CPSF3: variants seen among roughly 807,000 people sequenced by gnomAD.
The protein encoded by CPSF3 is cleavage and polyadenylation specific factor 3.
CPSF3 carries 57 observed loss-of-function variants against 84.1 expected under a neutral mutation model. The observed-to-expected ratio is 0.68, with a 90% confidence interval of 0.55 to 0.85. The LOEUF is 0.85. Among genes scored for constraint, CPSF3 ranks in the 40% least tolerant of loss-of-function variants. The probability of loss-of-function intolerance (pLI) is 0.00; values close to 1 mark genes in which losing one functional copy is unlikely to be tolerated. For missense variants in CPSF3, 522 were observed against 838.8 expected, an observed-to-expected ratio of 0.62 and a Z score of 4.66; for synonymous variants, 275 against 278.1, an observed-to-expected ratio of 0.99 and a Z score of 0.11.
intron 7 of CPSF3, among the ~76,000 whole-genome samples, chr2:9,437,173 G>A (rs983787978): frequency 6.6e-6 from 1 of 152,160 alleles, no homozygotes; most frequent in African/African-American, 2.4e-5. Flanking sequence ...GGAGGCTGAG[G>A]TGGGCAGATC....
At chr2:9,424,145 C>G (rs1032058755) in intron 1 of CPSF3, 3 of 1,081,392 alleles carry the variant, frequency 2.8e-6, no homozygotes, top group Admixed American at 1.0e-4. Flanking sequence ...AAGCACGGAT[C>G]TCTGCGCGTC....
At chr2:9,472,579 G>GC (rs1003609788) in intron 17 of CPSF3, among the ~76,000 whole-genome samples, 11 of 152,242 alleles carry the variant, frequency 7.2e-5, no homozygotes, top group Admixed American at 7.2e-4. Context: ...AGCACTGCAC[G>GC]CCCACAAGTG....
rs1553348327 is a variant in CPSF3 at position 9,465,572 on chromosome 2, C to CGT, written c.1787-2134_1787-2133dup. Among the ~76,000 whole-genome samples the CGT allele has an allele frequency of 6.1e-4, 90 of 147,640 alleles. 1 individual carries two copies. Among genetic ancestry groups the CGT allele is most frequent in the African/African-American group, 2.2e-3 (88 of 40,668 alleles). ...ACACACACACACACACACGCGCGCGCGTTTATATATAAAAAATATATAAAA... is the reference window on the plus strand; with the variant it reads ...ACACACACACACACACACGCGCGCGCGTGTTTATATATAAAAAATATATAAAA... On this transcript the variant is annotated intron_variant, in intron 15 of 17. Transcript: ENST00000238112.
chr2:9,453,454 A>G (rs1681403683), intron 12 of CPSF3, among the ~76,000 whole-genome samples: 1 of 152,210 alleles, frequency 6.6e-6, no homozygotes, highest in African/African-American at 2.4e-5. Flanking sequence ...AAAAACTTGT[A>G]TAATTTCTTT....
chr2:9,441,976 G>T lies in CPSF3; in HGVS notation c.1095G>T (p.Lys365Asn). 1 of 1,614,024 alleles carries T rather than the reference G, an allele frequency of 6.2e-7. No homozygotes were observed. Residue 365 changes from lysine (K) to asparagine (N), a missense_variant and splice_region_variant, in exon 9 of 18, where the codon AAG (lysine) becomes AAT (asparagine). Physicochemically the swap from Lys to Asn is moderately conservative, Grantham distance 94. Around this residue, in one of 2 missense-constraint regions of CPSF3, gnomAD observed 329 missense variants for 607.2 expected, o/e 0.54. Coordinates refer to ENST00000238112, the MANE Select transcript of CPSF3 (RefSeq NM_016207.4). The stretch of plus-strand genomic sequence containing the variant: ...ACTGTGTAGAAGGGACACTTGCCAA[G>T]GTCAGTTACAGTCATAGGCTGTTGT... The part of the protein sequence containing the change: ...AGYCVEGTLA[K>N]HIMSEPEEIT...
At chr2:9,439,334 A>C (rs1481659880) in intron 7 of CPSF3, among the ~76,000 whole-genome samples, 1 of 152,244 alleles carries the variant, frequency 6.6e-6, no homozygotes, top group Non-Finnish European at 1.5e-5. Context: ...TTAGCCAGGC[A>C]TGGTGGCCAG....
Position 9,428,912 on chromosome 2 carries a change from T to C in CPSF3, c.114+84T>C, listed in dbSNP as rs1680484246. ...TCTTTTCTCATAGACTAGTTATCTT[T>C]TTAGCTCCCAGAAAAATGTTATAGT... On this transcript the variant is annotated intron_variant, in intron 2 of 17. Coordinates refer to ENST00000238112, the MANE Select transcript of CPSF3 (RefSeq NM_016207.4). The C allele has an allele frequency of 5.3e-5, 43 of 803,908 alleles. No homozygotes were observed. The South Asian group carries it at 6.7e-4, about 12-fold the overall frequency. The allele number at this position is 803,908 out of a possible 1,614,324, so 49.8% of individuals were successfully genotyped here.
At chr2:9,469,642 C>G (rs1682095365) in intron 16 of CPSF3, among the ~76,000 whole-genome samples, 2 of 152,222 alleles carry the variant, frequency 1.3e-5, no homozygotes, top group Admixed American at 1.3e-4. Flanking sequence ...TCCCGCCTCC[C>G]CTCCCTCTCC....
chr2:9,450,551 G>T (rs538320782), intron 11 of CPSF3, among the ~76,000 whole-genome samples: 56 of 152,220 alleles, frequency 3.7e-4, no homozygotes, highest in African/African-American at 1.3e-3. Context: ...ACTTTGGGAG[G>T]CTGAGGCGGA....
At chr2:9,465,298 G>A (rs1376450653) in intron 15 of CPSF3, among the ~76,000 whole-genome samples, 2 of 152,108 alleles carry the variant, frequency 1.3e-5, no homozygotes, top group Non-Finnish European at 2.9e-5. Context: ...CAGAGTCTTA[G>A]CCAGGCACGG....
At position 9,451,748 on chromosome 2, in the gene CPSF3, C is replaced by G. The variant is rs968869637; in HGVS notation, c.1396-1165C>G. ...TTTTTTTTTTTTTGAGAAAAAGTCT[C>G]GCTCTGTCTCCAGGCTGGAGTGCAG... On this transcript the variant is annotated intron_variant, in intron 11 of 17. Transcript: ENST00000238112. Among the ~76,000 whole-genome samples, 3 of 143,474 alleles carry G rather than the reference C, an allele frequency of 2.1e-5. No individual in the cohort carries two copies. The South Asian group carries it at 6.6e-4, about 31-fold the overall frequency. 94.1% of individuals were successfully genotyped at this position (143,474 alleles called of 152,430 possible). A position where few individuals can be genotyped will look rare whatever the true frequency, so the allele number is the denominator to read the frequency against.
chr2:9,428,517 C>T (rs1052817690), intron 1 of CPSF3, among the ~76,000 whole-genome samples: 10 of 152,002 alleles, frequency 6.6e-5, no homozygotes, highest in South Asian at 2.1e-4. Context: ...GGATCTGTAC[C>T]GCCTTCTCTC....
At chr2:9,456,445 T>C (rs1407013559) in intron 13 of CPSF3, among the ~76,000 whole-genome samples, 1 of 152,206 alleles carries the variant, frequency 6.6e-6, no homozygotes, top group Admixed American at 6.5e-5. Flanking sequence ...AACCTTGCAC[T>C]AGGATAATCT....
rs1680204124 is a variant in CPSF3 at position 9,423,732 on chromosome 2, G to A, written c.-42G>A. The A allele has an allele frequency of 1.9e-6, 3 of 1,606,468 alleles. No homozygotes were observed. The highest frequency in any genetic ancestry group is 2.5e-6 in the Non-Finnish European group (3 of 1,177,084). On this transcript the variant is annotated 5_prime_UTR_variant, in exon 1 of 18. Transcript: ENST00000238112. ...GTGCTTCCAATTTAGGAAGACCCCG[G>A]CGACCTGTTCCTCACCCCCGCTTCG...
intron 17 of CPSF3, among the ~76,000 whole-genome samples, chr2:9,471,862 C>T (rs988909272): frequency 5.9e-5 from 9 of 151,850 alleles, no homozygotes; most frequent in Middle Eastern, 3.4e-3. Flanking sequence ...AAAAATTAGC[C>T]GGGAATGGCG....
chr2:9,457,142 AGTATAT>A (rs1681559966), intron 14 of CPSF3, 115 bp downstream of exon 14: 1 of 476,442 alleles, frequency 2.1e-6, no homozygotes, highest in African/African-American at 2.4e-5. Flanking sequence ...ATTGTTGGAA[AGTATAT>A]GTGTGTGTGT....
rs70948817 is a variant in CPSF3 at position 9,457,147 on chromosome 2, A to ATGTGTGTGTGTG, written c.1698+153_1698+164dup. On this transcript the variant is annotated intron_variant, in intron 14 of 17. Transcript: ENST00000238112. The stretch of plus-strand genomic sequence containing the variant: ...GAAAAAGAATATTGTTGGAAAGTAT[A>ATGTGTGTGTGTG]TGTGTGTGTGTGTGTGTGTGTGTGT... 910 of 333,986 alleles carry ATGTGTGTGTGTG rather than the reference A, an allele frequency of 2.7e-3. 4 individuals carry two copies. The highest frequency in any genetic ancestry group is 4.3e-3 in the Admixed American group (92 of 21,362). The allele number at this position is 333,986 out of a possible 1,614,324, so 20.7% of individuals were successfully genotyped here.
chr2:9,466,330 GC>G (rs56040804), intron 15 of CPSF3, among the ~76,000 whole-genome samples: 41,239 of 124,170 alleles, frequency 0.33, 6,411 homozygotes, highest in Middle Eastern at 0.43. Context: ...GCACACAGAC[GC>G]ACGCACACAC....
intron 13 of CPSF3, among the ~76,000 whole-genome samples, chr2:9,456,451 A>G (rs1324181377): frequency 6.6e-6 from 1 of 152,244 alleles, no homozygotes; most frequent in African/African-American, 2.4e-5. Context: ...GCACTAGGAT[A>G]ATCTGTCATA....
Sources: allele counts gnomAD v4.1 joint callset (sites outside exome capture counted in the v4.1 genomes callset), GRCh38; gene constraint gnomAD v4.1.1; regional missense constraint gnomAD v4.1.1; transcripts MANE v1.5; gene names NCBI Gene and HGNC (gene_info 2026-07-23, HGNC 2026-07-21).